Variants in KCNMB2 observed in about 807,000 individuals in gnomAD.
KCNMB2 encodes calcium-activated potassium channel subunit beta-2.
KCNMB2 carries 9 observed loss-of-function variants against 24.5 expected under a neutral mutation model. The observed-to-expected ratio is 0.37, with a 90% confidence interval of 0.22 to 0.64. The LOEUF is 0.64. Ranked by LOEUF, KCNMB2 falls within the 30% of genes least tolerant of loss-of-function variation. The pLI is 0.63. For synonymous variants in KCNMB2, 109 were observed against 104.4 expected, an observed-to-expected ratio of 1.04 and a Z score of -0.27; for missense variants, 226 against 284.3, an observed-to-expected ratio of 0.79 and a Z score of 1.47.
At position 178,828,217 on chromosome 3, in the gene KCNMB2, G is replaced by A. The variant is rs754356731; in HGVS notation, c.267G>A (p.Ala89=). 20 of 1,613,972 alleles carry A rather than the reference G, an allele frequency of 1.2e-5. No homozygotes were observed. The Admixed American group carries it at 1.5e-4, about 12-fold the overall frequency. The change falls in exon 4 of 5, where the codon GCG becomes GCA. Residue 89 remains alanine (A), a synonymous_variant. Transcript: ENST00000452583. ...TEESQCTLLN[A]SITETFNCSF... Reference sequence around the variant, plus strand: ...AGTCTCAATGCACCTTGCTGAATGCGTCCATCACGGAAACATTTAATTGCT... The same window carrying A: ...AGTCTCAATGCACCTTGCTGAATGCATCCATCACGGAAACATTTAATTGCT...
intron 1 of KCNMB2, among the ~76,000 whole-genome samples, chr3:178,791,585 G>GA (rs1713326618): frequency 6.6e-6 from 1 of 151,580 alleles, no homozygotes; most frequent in Admixed American, 6.6e-5. Flanking sequence ...TAATAACAGA[G>GA]AAAATCCCAA....
At chr3:178,772,775 A>T (rs1010318689) in intron 1 of KCNMB2, among the ~76,000 whole-genome samples, 2 of 152,242 alleles carry the variant, frequency 1.3e-5, no homozygotes, top group Non-Finnish European at 2.9e-5. Flanking sequence ...CACAAGTTTT[A>T]AATAACTGAA....
chr3:178,656,356 C>T (rs2108565956), intron 1 of KCNMB2, among the ~76,000 whole-genome samples: 1 of 152,242 alleles, frequency 6.6e-6, no homozygotes, highest in Non-Finnish European at 1.5e-5. Context: ...AATGATATTC[C>T]TATAAAGTAG....
intron 1 of KCNMB2, among the ~76,000 whole-genome samples, chr3:178,622,322 C>G (rs774896929): frequency 6.6e-6 from 1 of 152,178 alleles, no homozygotes; most frequent in Non-Finnish European, 1.5e-5. Context: ...AAGCTGAGTA[C>G]ACAGATCTTA....
rs140907224 is a variant in KCNMB2 at position 178,687,489 on chromosome 3, G to T, written c.-67-119854G>T. Among the ~76,000 whole-genome samples the T allele has an allele frequency of 2.2e-4, 33 of 151,344 alleles. No homozygotes were observed. In the East Asian group the frequency reaches 6.0e-3, roughly 27 times the overall value. On this transcript the variant is annotated intron_variant, in intron 1 of 4. Coordinates refer to ENST00000452583, the MANE Select transcript of KCNMB2 (RefSeq NM_181361.3). Reference sequence around the variant, plus strand: ...TAGCATGAGAAAAACATATCCAGTTGAATGCTGAACTGTGCTGCTTATGGG... The same window carrying T: ...TAGCATGAGAAAAACATATCCAGTTTAATGCTGAACTGTGCTGCTTATGGG...
chr3:178,843,187 T>G lies in KCNMB2; in HGVS notation c.*250T>G, dbSNP rs574366374. The G allele has an allele frequency of 5.2e-6, 3 of 572,448 alleles. No homozygotes were observed. In the Admixed American group the frequency reaches 6.5e-5, roughly 12 times the overall value. 35.5% of individuals were successfully genotyped at this position (572,448 alleles called of 1,614,324 possible). ...TATTTCTGTACTGGAACTAGTACTT[T>G]CTTCTCTCATTCCGCCAAAACAGGG... On this transcript the variant is annotated 3_prime_UTR_variant, in exon 5 of 5. Transcript: ENST00000452583.
intron 1 of KCNMB2, among the ~76,000 whole-genome samples, chr3:178,576,217 G>A (rs937156519): frequency 3.3e-5 from 5 of 151,988 alleles, no homozygotes; most frequent in Admixed American, 1.3e-4. Flanking sequence ...AGGGTGGGGC[G>A]TTGCCTCACC....
chr3:178,552,112 A>G (rs1476633679), intron 1 of KCNMB2, among the ~76,000 whole-genome samples: 4 of 152,174 alleles, frequency 2.6e-5, no homozygotes, highest in African/African-American at 7.2e-5. Context: ...ATCAAAATCT[A>G]TCTTAGAATT....
chr3:178,542,300 T>C (rs1715646198), intron 1 of KCNMB2, among the ~76,000 whole-genome samples: 1 of 152,262 alleles, frequency 6.6e-6, no homozygotes, highest in South Asian at 2.1e-4. Flanking sequence ...TGGTAATTGA[T>C]GACAGTAATA....
Position 178,772,218 on chromosome 3 carries a change from T to C in KCNMB2, c.-67-35125T>C, listed in dbSNP as rs1402529771. 2.6e-5 allele frequency among the ~76,000 whole-genome samples: 4 copies of C among 152,228 alleles called. No homozygotes were observed. The East Asian group carries it at 7.7e-4, about 29-fold the overall frequency. ...TATCTCTTTATCCCACTTGAATGTGTTAGCTTGAACCATATGACACTGCCT... is the reference window on the plus strand; with the variant it reads ...TATCTCTTTATCCCACTTGAATGTGCTAGCTTGAACCATATGACACTGCCT... On this transcript the variant is annotated intron_variant, in intron 1 of 4. Transcript: ENST00000452583.
At chr3:178,656,494 TG>T (rs1720347910) in intron 1 of KCNMB2, among the ~76,000 whole-genome samples, 1 of 152,180 alleles carries the variant, frequency 6.6e-6, no homozygotes, top group African/African-American at 2.4e-5. Flanking sequence ...GTGCTCAGGC[TG>T]GGTGCGGTGG....
At chr3:178,825,834 G>GT in intron 3 of KCNMB2, 76 bp downstream of exon 3, 3 of 1,146,164 alleles carry the variant, frequency 2.6e-6, no homozygotes, top group Non-Finnish European at 3.7e-6. Flanking sequence ...GCAACCCTAA[G>GT]GTCATCTTCC....
At chr3:178,645,028 CTTGT>C (rs777095400) in intron 1 of KCNMB2, among the ~76,000 whole-genome samples, 1 of 150,750 alleles carries the variant, frequency 6.6e-6, no homozygotes, top group Non-Finnish European at 1.5e-5. Flanking sequence ...GTTCCCCTCC[CTTGT>C]TTAAGATCCA....
At chr3:178,584,654 A>G (rs1717357389) in intron 1 of KCNMB2, among the ~76,000 whole-genome samples, 1 of 152,296 alleles carries the variant, frequency 6.6e-6, no homozygotes, top group Non-Finnish European at 1.5e-5. Context: ...AGGAAAAATA[A>G]AGCCTATTTT....
At chr3:178,714,017 G>A (rs1387688741) in intron 1 of KCNMB2, among the ~76,000 whole-genome samples, 2 of 152,052 alleles carry the variant, frequency 1.3e-5, no homozygotes, top group African/African-American at 2.4e-5. Flanking sequence ...AAACTCTCAA[G>A]TTTTTCTGTT....
At chr3:178,833,415 A>G (rs1715114463) in intron 4 of KCNMB2, among the ~76,000 whole-genome samples, 1 of 152,178 alleles carries the variant, frequency 6.6e-6, no homozygotes. Flanking sequence ...TACTTTCTAG[A>G]AAGCTAGCCT....
chr3:178,834,446 CTT>C (rs1715152141), intron 4 of KCNMB2, among the ~76,000 whole-genome samples: 2 of 152,204 alleles, frequency 1.3e-5, no homozygotes, highest in South Asian at 4.1e-4. Context: ...ATTATTTATC[CTT>C]CTGATAGATA....
chr3:178,711,658 A>G (rs985185339), intron 1 of KCNMB2, among the ~76,000 whole-genome samples: 1 of 152,214 alleles, frequency 6.6e-6, no homozygotes, highest in Non-Finnish European at 1.5e-5. Flanking sequence ...ACAGTCCAAA[A>G]GCCCCAGTTA....
chr3:178,710,698 T>G (rs1722424240), intron 1 of KCNMB2, among the ~76,000 whole-genome samples: 1 of 152,142 alleles, frequency 6.6e-6, no homozygotes, highest in East Asian at 1.9e-4. Flanking sequence ...ATTATGCAGA[T>G]GAAAGCCATT....
Sources: allele counts gnomAD v4.1 joint callset (sites outside exome capture counted in the v4.1 genomes callset), GRCh38; gene constraint gnomAD v4.1.1; transcripts MANE v1.5; gene names NCBI Gene and HGNC (gene_info 2026-07-23, HGNC 2026-07-21).